Variants in ANKS1A observed in about 807,000 individuals in gnomAD.
ANKS1A encodes the protein ankyrin repeat and SAM domain-containing protein 1A.
A neutral mutation model predicts 120.3 loss-of-function variants in ANKS1A; 55 were observed. That is an observed-to-expected ratio of 0.46 (90% CI 0.37 to 0.57). ANKS1A has a LOEUF of 0.57. ANKS1A is among the 20% of genes least tolerant of loss of function. The pLI is 0.00. For synonymous variants in ANKS1A, 590 were observed against 604.7 expected (o/e 0.98, Z 0.36); for missense variants, 1,123 against 1,480.3 (o/e 0.76, Z 3.96).
At chr6:35,004,667 C>A (rs10807145) in intron 10 of ANKS1A, among the ~76,000 whole-genome samples, 2 of 151,724 alleles carry the variant, frequency 1.3e-5, no homozygotes, top group South Asian at 4.2e-4. Context: ...CCTGTAATCC[C>A]AGTACTTTGG....
intron 12 of ANKS1A, 32 bp downstream of exon 12, chr6:35,054,197 A>C (rs1389126262): frequency 6.2e-7 from 1 of 1,607,082 alleles, no homozygotes; most frequent in Non-Finnish European, 8.5e-7. Context: ...TTCCCCACAG[A>C]AACTGGCAGT....
chr6:35,090,429 G>A lies in ANKS1A; in HGVS notation c.*1820G>A, dbSNP rs1174295039. ...CGGGGCGGTAGGTCCGAAAGAAACC[G>A]CAGACACTACGATGCACTCCTCAAG... On this transcript the variant is annotated 3_prime_UTR_variant, in exon 24 of 24. Transcript: ENST00000360359. 2.8e-5 allele frequency: 33 copies of A among 1,194,264 alleles called. No individual in the cohort carries two copies. Among genetic ancestry groups the A allele is most frequent in the East Asian group, 5.8e-5 (1 of 17,206 alleles). 74.0% of individuals were successfully genotyped at this position (1,194,264 alleles called of 1,614,324 possible).
chr6:35,077,484 C>T (rs1007742009), intron 13 of ANKS1A, among the ~76,000 whole-genome samples: 1 of 152,220 alleles, frequency 6.6e-6, no homozygotes, highest in Non-Finnish European at 1.5e-5. Context: ...TGTGCAGGCA[C>T]AGGCCTGTCT....
chr6:35,029,009 T>C (rs1209673563), intron 11 of ANKS1A, among the ~76,000 whole-genome samples: 1 of 152,206 alleles, frequency 6.6e-6, no homozygotes, highest in Non-Finnish European at 1.5e-5. Flanking sequence ...AACATGAGGG[T>C]GGTCAGCCTT....
intron 13 of ANKS1A, among the ~76,000 whole-genome samples, chr6:35,072,267 G>A (rs945685641): frequency 3.9e-5 from 6 of 152,206 alleles, no homozygotes; most frequent in African/African-American, 7.2e-5. Context: ...GCCCGGGGCC[G>A]ACCCGGGCCG....
chr6:34,972,275 A>G (rs1771221121), intron 3 of ANKS1A, among the ~76,000 whole-genome samples: 2 of 152,142 alleles, frequency 1.3e-5, no homozygotes, highest in Admixed American at 6.5e-5. Context: ...TCTGGTAGGC[A>G]GGTGGTGGGC....
intron 9 of ANKS1A, among the ~76,000 whole-genome samples, chr6:34,991,059 C>T (rs1411919003): frequency 1.3e-5 from 2 of 152,002 alleles, no homozygotes; most frequent in Admixed American, 1.3e-4. Context: ...GCTTTAATAC[C>T]CTAGACTCTA....
rs750777722 is a variant in ANKS1A at position 35,050,342 on chromosome 6, G to A, written c.2011-3757G>A. On this transcript the variant is annotated intron_variant, in intron 11 of 23. Transcript: ENST00000360359. The surrounding 1 kb of genome is among the most constrained non-coding windows in gnomAD (Gnocchi z 4.3). The stretch of plus-strand genomic sequence containing the variant: ...GAGTATAAGTTTTCAGTCAGTTCAC[G>A]TGAAGTGCACTAATAAGGAAGCATG... Among the ~76,000 whole-genome samples, 2 of 152,112 alleles carry A rather than the reference G, an allele frequency of 1.3e-5. No individual in the cohort carries two copies. Among genetic ancestry groups the A allele is most frequent in the African/African-American group, 2.4e-5 (1 of 41,408 alleles).
chr6:35,018,129 A>G, intron 11 of ANKS1A, 70 bp downstream of exon 11: 1 of 1,478,122 alleles, frequency 6.8e-7, no homozygotes, highest in Non-Finnish European at 9.2e-7. Flanking sequence ...AGCTCCCGTG[A>G]GTGCCAACTC....
intron 1 of ANKS1A, among the ~76,000 whole-genome samples, chr6:34,926,264 G>C (rs1487422650): frequency 2.0e-5 from 3 of 152,116 alleles, no homozygotes; most frequent in South Asian, 2.1e-4. Context: ...AGGGCCTGCT[G>C]GGGTCTTGGA....
At position 35,083,480 on chromosome 6, in the gene ANKS1A, A is replaced by G. The variant is rs757896993; in HGVS notation, c.2971A>G (p.Lys991Glu). ...IILSITYKGV[K>E]FIDASNKNVI... is the part of the protein sequence containing the mutation. ...CCTGTCCATCACATACAAAGGTGTC[A>G]AGTTCATCGATGCCTCCAACAAGGT... Residue 991 changes from lysine (K) to glutamate (E), a missense_variant, in exon 20 of 24, where the codon AAG (lysine) becomes GAG (glutamate). By Grantham distance (56) the Lys-to-Glu change is moderately conservative. This residue lies in a region of ANKS1A where 904 missense variants were observed against 1,130.4 expected (regional missense o/e 0.80). Transcript: ENST00000360359. The G allele has an allele frequency of 6.2e-7, 1 of 1,614,036 alleles. No homozygotes were observed. Among genetic ancestry groups the G allele is most frequent in the African/African-American group, 1.3e-5 (1 of 74,974 alleles).
rs1777771289 is a variant in ANKS1A at position 35,082,972 on chromosome 6, G to A, written c.2835+156G>A. ...CACTCTTGACAGCTAAGGCGAAGGG[G>A]TGGAGGCCTCTGGATCCTTTAGCTA... On this transcript the variant is annotated intron_variant, in intron 18 of 23. Transcript: ENST00000360359. The surrounding 1 kb of genome is among the most constrained non-coding windows in gnomAD (Gnocchi z 4.1). Among the ~76,000 whole-genome samples the A allele has an allele frequency of 6.6e-6, 1 of 152,210 alleles. No homozygotes were observed. The highest frequency in any genetic ancestry group is 6.5e-5 in the Admixed American group (1 of 15,280).
At chr6:34,957,610 G>C (rs1388599911) in intron 1 of ANKS1A, among the ~76,000 whole-genome samples, 7 of 152,186 alleles carry the variant, frequency 4.6e-5, no homozygotes, top group African/African-American at 1.7e-4. Context: ...ATTTAATGAA[G>C]AATTGTTGGA....
At position 35,085,924 on chromosome 6, in the gene ANKS1A, G is replaced by A; in HGVS notation, c.3291G>A (p.Val1097=). Residue 1097 remains valine (V), a synonymous_variant, in exon 22 of 24, where the codon GTG becomes GTA. Transcript: ENST00000360359. This position sits in a 1 kb window ranked among gnomAD's most constrained non-coding sequence, Gnocchi z 4.7. ...SKPVPKPRVG[V]RKSALEPPDM... is the part of the protein sequence containing the mutation. ...CGGTGCCTAAGCCTCGGGTCGGCGT[G>A]AGGAAATCCGCAGTACGTGGGCCCC... 6.2e-7 allele frequency: 1 copy of A among 1,606,866 alleles called. No individual in the cohort carries two copies. The highest frequency in any genetic ancestry group is 1.1e-5 in the South Asian group (1 of 90,232).
At chr6:35,087,855 G>A (rs1168815795) in intron 23 of ANKS1A, among the ~76,000 whole-genome samples, 1 of 152,226 alleles carries the variant, frequency 6.6e-6, no homozygotes, top group Non-Finnish European at 1.5e-5. Flanking sequence ...AAGGAGGTGG[G>A]TGGCATGTGT....
intron 1 of ANKS1A, among the ~76,000 whole-genome samples, chr6:34,943,920 A>G (rs1191068453): frequency 6.6e-6 from 1 of 152,192 alleles, no homozygotes; most frequent in Non-Finnish European, 1.5e-5. Flanking sequence ...GAGCATGATT[A>G]CTGAATCATA....
intron 3 of ANKS1A, among the ~76,000 whole-genome samples, chr6:34,971,758 T>C (rs922399584): frequency 6.6e-6 from 1 of 152,182 alleles, no homozygotes; most frequent in Non-Finnish European, 1.5e-5. Flanking sequence ...GGCAGCTTCA[T>C]TCTGAGACAT....
At chr6:34,903,725 C>G (rs1470901919) in intron 1 of ANKS1A, among the ~76,000 whole-genome samples, 1 of 152,138 alleles carries the variant, frequency 6.6e-6, no homozygotes, top group African/African-American at 2.4e-5. Flanking sequence ...CCATGTTGGC[C>G]AGGATGGTCT....
At chr6:34,954,876 C>T (rs903039108) in intron 1 of ANKS1A, among the ~76,000 whole-genome samples, 2 of 152,090 alleles carry the variant, frequency 1.3e-5, no homozygotes, top group Non-Finnish European at 2.9e-5. Context: ...TAGGCTTATG[C>T]TGTTGTTTCT....
Sources: allele counts gnomAD v4.1 joint callset (sites outside exome capture counted in the v4.1 genomes callset), GRCh38; gene constraint gnomAD v4.1.1; regional missense constraint gnomAD v4.1.1; non-coding constraint Gnocchi (gnomAD v3.1); transcripts MANE v1.5; gene names NCBI Gene and HGNC (gene_info 2026-07-23, HGNC 2026-07-21).